The following PAK5 variants were observed in gnomAD, a reference collection of about 807,000 sequenced individuals.
PAK5 encodes serine/threonine-protein kinase PAK 5.
In PAK5, 16 loss-of-function variants were observed where a neutral mutation model predicts 65.9. The observed-to-expected ratio is 0.24, with a 90% CI of 0.16 to 0.37. The LOEUF (loss-of-function observed/expected upper bound fraction) is 0.37, where lower values mean the gene tolerates loss of function less well. PAK5 is among the 10% of genes least tolerant of loss of function. The pLI is 1.00. For synonymous variants in PAK5, 371 were observed against 354.9 expected (o/e 1.05, Z -0.51); for missense variants, 785 against 903.9 (o/e 0.87, Z 1.69).
chr20:9,544,383 G>C lies in PAK5; in HGVS notation c.1855C>G (p.Pro619Ala). The C allele has an allele frequency of 6.2e-7, 1 of 1,613,950 alleles. No individual in the cohort carries two copies. Among genetic ancestry groups the C allele is most frequent in the Non-Finnish European group, 8.5e-7 (1 of 1,179,942 alleles). ...WMAPEVISRLPYGTEVDIWSL... is the reference protein window; with the variant it reads ...WMAPEVISRLAYGTEVDIWSL... ...GACCCCCTTACCTCTGTCCCATAAG[G>C]TAGCCTAGAAATCACCTCAGGGGCC... The change falls in exon 8 of 10, where the codon CCT becomes GCT. Residue 619 changes from proline (P) to alanine (A), a missense_variant. Physicochemically the swap from Pro to Ala is conservative, Grantham distance 27. Transcript: ENST00000353224.
At chr20:9,662,433 T>C (rs2047359006) in intron 2 of PAK5, among the ~76,000 whole-genome samples, 3 of 152,148 alleles carry the variant, frequency 2.0e-5, no homozygotes, top group African/African-American at 7.2e-5. Context: ...CTGCCCAGCT[T>C]ACAACTGGGC....
chr20:9,544,681 C>A (rs1409267696), intron 7 of PAK5, among the ~76,000 whole-genome samples, 187 bp from the exon 8 acceptor site: 2 of 152,188 alleles, frequency 1.3e-5, no homozygotes, highest in African/African-American at 4.8e-5. Context: ...GGAGAAACTT[C>A]TCCCGGGCCC....
intron 4 of PAK5, among the ~76,000 whole-genome samples, chr20:9,569,976 G>C (rs2123018917): frequency 6.6e-6 from 1 of 152,242 alleles, no homozygotes; most frequent in South Asian, 2.1e-4. Context: ...GCTTTTGACG[G>C]GCATAGGAAT....
chr20:9,690,920 A>AT (rs535354909), intron 2 of PAK5, among the ~76,000 whole-genome samples: 141 of 151,160 alleles, frequency 9.3e-4, no homozygotes, highest in African/African-American at 3.2e-3. Context: ...TGCCCAGCTA[A>AT]TTTTTTGTAT....
intron 7 of PAK5, among the ~76,000 whole-genome samples, chr20:9,546,609 G>A (rs1391207460): frequency 1.3e-5 from 2 of 152,156 alleles, no homozygotes; most frequent in Non-Finnish European, 2.9e-5. Flanking sequence ...AGGCATTACA[G>A]GAGACCGAAG....
At chr20:9,827,681 C>T (rs1978375779) in intron 1 of PAK5, among the ~76,000 whole-genome samples, 1 of 151,924 alleles carries the variant, frequency 6.6e-6, no homozygotes, top group African/African-American at 2.4e-5. Flanking sequence ...AGGTGTGATA[C>T]TCAGATAACA....
intron 1 of PAK5, among the ~76,000 whole-genome samples, chr20:9,759,433 T>C (rs1223767191): frequency 1.3e-5 from 2 of 152,190 alleles, no homozygotes; most frequent in Non-Finnish European, 2.9e-5. Flanking sequence ...TAATGTCTGC[T>C]TGTTGCCTCA....
chr20:9,561,697 G>T (rs2045593268), intron 6 of PAK5, among the ~76,000 whole-genome samples: 1 of 152,066 alleles, frequency 6.6e-6, no homozygotes, highest in African/African-American at 2.4e-5. Flanking sequence ...TTATGTACCT[G>T]GATCCACTTT....
chr20:9,657,826 TG>T (rs1339272812), intron 2 of PAK5, among the ~76,000 whole-genome samples: 2 of 152,130 alleles, frequency 1.3e-5, no homozygotes, highest in Non-Finnish European at 2.9e-5. Flanking sequence ...AGAGAGAAAA[TG>T]ATTTGCCTTG....
chr20:9,834,605 A>C (rs1340723774), intron 1 of PAK5, among the ~76,000 whole-genome samples: 1 of 152,116 alleles, frequency 6.6e-6, no homozygotes, highest in Non-Finnish European at 1.5e-5. Flanking sequence ...CACATTTCCT[A>C]TTTCAACAGA....
intron 1 of PAK5, among the ~76,000 whole-genome samples, chr20:9,791,818 C>T (rs1346596499): frequency 6.6e-6 from 1 of 152,120 alleles, no homozygotes; most frequent in Non-Finnish European, 1.5e-5. Context: ...GTCCCAGGGA[C>T]ACCTCCCTGT....
chr20:9,667,592 C>T (rs958235826), intron 2 of PAK5, among the ~76,000 whole-genome samples: 1 of 151,960 alleles, frequency 6.6e-6, no homozygotes. Context: ...AGTTGCATAC[C>T]ACTGGGGAAG....
intron 4 of PAK5, among the ~76,000 whole-genome samples, chr20:9,570,874 G>A (rs1296127517): frequency 6.6e-6 from 1 of 152,186 alleles, no homozygotes; most frequent in African/African-American, 2.4e-5. Context: ...CTTATCACCT[G>A]TCAGCAGCAT....
intron 1 of PAK5, among the ~76,000 whole-genome samples, chr20:9,824,558 C>T (rs775043993): frequency 7.9e-5 from 12 of 152,158 alleles, no homozygotes; most frequent in Admixed American, 2.0e-4. Context: ...AAATCATATG[C>T]AATTTGGAGT....
chr20:9,827,173 A>G (rs6039597), intron 1 of PAK5, among the ~76,000 whole-genome samples: 47,864 of 152,104 alleles, frequency 0.31, 7,948 homozygotes, highest in Admixed American at 0.39. Flanking sequence ...AAGAAAATGG[A>G]TGAGATAACT....
chr20:9,732,979 C>A (rs1382937269), intron 1 of PAK5, among the ~76,000 whole-genome samples: 3 of 152,200 alleles, frequency 2.0e-5, no homozygotes, highest in African/African-American at 7.2e-5. Context: ...ACTGTTGGAA[C>A]TAGCTGATAA....
chr20:9,712,288 T>C (rs942807290), intron 1 of PAK5, among the ~76,000 whole-genome samples: 6 of 152,166 alleles, frequency 3.9e-5, no homozygotes, highest in African/African-American at 1.4e-4. Flanking sequence ...TTATACAAAT[T>C]CCCAACCTTG....
At chr20:9,684,415 G>A (rs754530779) in intron 2 of PAK5, among the ~76,000 whole-genome samples, 57 of 152,296 alleles carry the variant, frequency 3.7e-4, no homozygotes, top group Non-Finnish European at 5.9e-4. Context: ...TTAAATCAGA[G>A]GGCATTGAAG....
At position 9,766,445 on chromosome 20, in the gene PAK5, T is replaced by TATATATTCAA. The variant is rs2048766459; in HGVS notation, c.-161-55011_-161-55010insTTGAATATAT. Among the ~76,000 whole-genome samples the TATATATTCAA allele has an allele frequency of 7.5e-5, 2 of 26,502 alleles. 1 individual carries two copies. Among genetic ancestry groups the TATATATTCAA allele is most frequent in the African/African-American group, 4.6e-4 (2 of 4,356 alleles). The allele number at this position is 26,502 out of a possible 152,430, so 17.4% of individuals were successfully genotyped here. On this transcript the variant is annotated intron_variant, in intron 1 of 9. Transcript: ENST00000353224. Reference sequence around the variant, plus strand: ...TATATATATTCAAGCAGAATATATATGTATATATATATTCAAGCAGAATAT... The same window carrying TATATATTCAA: ...TATATATATTCAAGCAGAATATATATATATATTCAAGTATATATATATTCAAGCAGAATAT...
Sources: allele counts gnomAD v4.1 joint callset (sites outside exome capture counted in the v4.1 genomes callset), GRCh38; gene constraint gnomAD v4.1.1; transcripts MANE v1.5; gene names NCBI Gene and HGNC (gene_info 2026-07-23, HGNC 2026-07-21).